HTR2C: variants seen among roughly 807,000 people sequenced by gnomAD.
HTR2C encodes 5-hydroxytryptamine (serotonin) receptor 2C, G protein-coupled.
In HTR2C, 5 loss-of-function variants were observed where a neutral mutation model predicts 21.0. The observed-to-expected ratio is 0.24, with a 90% CI of 0.12 to 0.50. The LOEUF is 0.50. HTR2C is among the 20% of genes least tolerant of loss of function. The pLI is 0.98. For missense variants in HTR2C, 271 were observed against 371.2 expected (o/e 0.73, Z 2.22); for synonymous variants, 150 against 145.3 (o/e 1.03, Z -0.23).
At chrX:114,606,815 G>A (rs1556397065) in intron 1 of HTR2C, among the ~76,000 whole-genome samples, 1 of 111,557 alleles carries the variant, frequency 9.0e-6, no homozygotes, top group Non-Finnish European at 1.9e-5. Flanking sequence ...CGTGTGAAGA[G>A]ACCACTAAAC....
At chrX:114,814,834 A>G (rs782179352) in intron 4 of HTR2C, among the ~76,000 whole-genome samples, 2 of 101,486 alleles carry the variant, frequency 2.0e-5, no homozygotes, top group South Asian at 7.9e-4. Flanking sequence ...CATATATACT[A>G]TAGAATATAT....
intron 5 of HTR2C, among the ~76,000 whole-genome samples, chrX:114,894,531 T>C (rs2071281828): frequency 9.0e-6 from 1 of 110,934 alleles, no homozygotes; most frequent in Non-Finnish European, 1.9e-5. Flanking sequence ...GAAAACTTTC[T>C]GCAGGCTTGA....
intron 2 of HTR2C, chrX:114,717,810 G>A (rs1374381198): frequency 1.8e-5 from 2 of 111,481 alleles, no homozygotes; most frequent in African/African-American, 6.5e-5. Flanking sequence ...TTCTTAGATA[G>A]TATCTTTTGA....
intron 5 of HTR2C, among the ~76,000 whole-genome samples, chrX:114,903,330 T>C (rs782812428): frequency 8.0e-5 from 9 of 112,522 alleles, no homozygotes; most frequent in Non-Finnish European, 1.5e-4. Flanking sequence ...GTAAACTGGT[T>C]AAGCTACTTT....
At chrX:114,787,895 C>G (rs931468189) in intron 4 of HTR2C, among the ~76,000 whole-genome samples, 12 of 98,474 alleles carry the variant, frequency 1.2e-4, no homozygotes, top group Admixed American at 2.4e-4. Context: ...TGCAGTGGGC[C>G]AAGATGGTGC....
At chrX:114,829,247 C>T (rs782284550) in intron 4 of HTR2C, among the ~76,000 whole-genome samples, 1,948 of 111,186 alleles carry the variant, frequency 0.018, 46 homozygotes, top group African/African-American at 0.061. Flanking sequence ...TTTGTGTTTA[C>T]GGTCAACCTG....
At chrX:114,823,468 CAT>C in intron 4 of HTR2C, 1 of 348,044 alleles carries the variant, frequency 2.9e-6, no homozygotes, top group Non-Finnish European at 5.8e-6. Context: ...GGAGGTTGAA[CAT>C]CCTGCATAGT....
At chrX:114,668,886 A>G (rs1931268034) in intron 2 of HTR2C, among the ~76,000 whole-genome samples, 1 of 111,134 alleles carries the variant, frequency 9.0e-6, no homozygotes, top group South Asian at 3.7e-4. Flanking sequence ...GCGTATGTAA[A>G]TAATATAATA....
At chrX:114,654,302 T>TAA (rs1187541403) in intron 2 of HTR2C, among the ~76,000 whole-genome samples, 2 of 107,481 alleles carry the variant, frequency 1.9e-5, no homozygotes, top group Non-Finnish European at 3.9e-5. Flanking sequence ...CATATATATA[T>TAA]AACATATATA....
chrX:114,678,649 G>A (rs1211573860), intron 2 of HTR2C, among the ~76,000 whole-genome samples: 1 of 111,414 alleles, frequency 9.0e-6, no homozygotes, highest in African/African-American at 3.3e-5. Context: ...ATCTTGTGAG[G>A]CTCAAATGAG....
In HTR2C at chrX:114,597,988, C is replaced by A. The variant is rs185291307; in HGVS notation, c.-147+13329C>A. 7.2e-5 allele frequency among the ~76,000 whole-genome samples: 8 copies of A among 111,521 alleles called. No homozygotes were observed. In the Admixed American group the frequency reaches 7.6e-4, roughly 11 times the overall value. On this transcript the variant is annotated intron_variant, in intron 1 of 5. Transcript: ENST00000276198. ...ATAATTGTTAAGATTCTGCTCTGGGCAAGACATTTGACTGAGTACTTCAGG... is the reference window on the plus strand; with the variant it reads ...ATAATTGTTAAGATTCTGCTCTGGGAAAGACATTTGACTGAGTACTTCAGG...
chrX:114,690,897 C>T (rs948489636), intron 2 of HTR2C, among the ~76,000 whole-genome samples: 5 of 111,132 alleles, frequency 4.5e-5, no homozygotes, highest in Non-Finnish European at 9.4e-5. Context: ...GACACTGCAT[C>T]GCATCCTATT....
At chrX:114,851,731 C>T (rs1556469307) in intron 5 of HTR2C, among the ~76,000 whole-genome samples, 2 of 111,184 alleles carry the variant, frequency 1.8e-5, no homozygotes, top group African/African-American at 6.5e-5. Context: ...ATCCCATCAG[C>T]TTTTGAGCAT....
chrX:114,873,975 C>CT (rs2071112056), intron 5 of HTR2C, among the ~76,000 whole-genome samples: 1 of 110,463 alleles, frequency 9.1e-6, no homozygotes, highest in Admixed American at 9.7e-5. Context: ...TCATTCTACT[C>CT]TCTGCTCCCG....
At chrX:114,813,032 T>G (rs782655147) in intron 4 of HTR2C, among the ~76,000 whole-genome samples, 1 of 111,700 alleles carries the variant, frequency 9.0e-6, no homozygotes, top group East Asian at 2.8e-4. Flanking sequence ...GAAAAGGACT[T>G]TACAGTTTTG....
chrX:114,863,243 T>C (rs1379320761), intron 5 of HTR2C, among the ~76,000 whole-genome samples: 1 of 111,341 alleles, frequency 9.0e-6, no homozygotes, highest in Non-Finnish European at 1.9e-5. Context: ...GGTAGTTCTA[T>C]TTTTAGTTCT....
chrX:114,761,937 G>A (rs1556432561), intron 4 of HTR2C, among the ~76,000 whole-genome samples: 84 of 107,706 alleles, frequency 7.8e-4, no homozygotes, highest in Non-Finnish European at 1.4e-3. Context: ...ATACATATAT[G>A]TGTATATATA....
intron 4 of HTR2C, among the ~76,000 whole-genome samples, chrX:114,837,695 A>C (rs1318135477): frequency 2.8e-5 from 1 of 36,170 alleles, no homozygotes; most frequent in Non-Finnish European, 7.4e-5. Flanking sequence ...CTAGTCCTAC[A>C]GTCAAAAAAA....
At chrX:114,865,919 G>A (rs181143087) in intron 5 of HTR2C, among the ~76,000 whole-genome samples, 16 of 110,966 alleles carry the variant, frequency 1.4e-4, no homozygotes, top group African/African-American at 3.9e-4. Flanking sequence ...AGATTCAAGC[G>A]ATTCTCCTGC....
Sources: allele counts gnomAD v4.1 joint callset (sites outside exome capture counted in the v4.1 genomes callset), GRCh38; gene constraint gnomAD v4.1.1; transcripts MANE v1.5; gene names NCBI Gene and HGNC (gene_info 2026-07-23, HGNC 2026-07-21).